Variants in BCAS3 observed in about 807,000 individuals in gnomAD.
BCAS3 encodes BCAS3 microtubule associated cell migration factor.
Under a neutral mutation model 116.1 loss-of-function variants are expected in BCAS3, and 53 were observed. That is an observed-to-expected ratio of 0.46 (90% CI 0.37 to 0.57). BCAS3 has a LOEUF of 0.57. BCAS3 is among the 20% of genes least tolerant of loss of function. The pLI, the probability that BCAS3 is intolerant of heterozygous loss-of-function variation, is 0.00. For synonymous variants in BCAS3, 391 were observed against 408.2 expected (o/e 0.96, Z 0.51); for missense variants, 917 against 1,165.4 (o/e 0.79, Z 3.10).
rs911952791 is a variant in BCAS3, at chr17:61,344,724, G to C, written c.2426-23603G>C. The stretch of plus-strand genomic sequence containing the variant: ...TGTAAAGGCCCTGGGGTGAAAGGAA[G>C]GAGGTTGTTGGAGGGACTGAGGGAG... On this transcript the variant is annotated intron_variant, in intron 22 of 23. Transcript: ENST00000407086. This position sits in a 1 kb window ranked among gnomAD's most constrained non-coding sequence, Gnocchi z 4.1. Among the ~76,000 whole-genome samples, 2 of 152,122 alleles carry C rather than the reference G, an allele frequency of 1.3e-5. No homozygotes were observed. The highest frequency in any genetic ancestry group is 2.9e-5 in the Non-Finnish European group (2 of 68,026).
In BCAS3 at chr17:61,186,500, A is replaced by G. The variant is rs1008574161; in HGVS notation, c.2425+101936A>G. On this transcript the variant is annotated intron_variant, in intron 22 of 23. Coordinates refer to ENST00000407086, the MANE Select transcript of BCAS3 (RefSeq NM_017679.5). This position sits in a 1 kb window ranked among gnomAD's most constrained non-coding sequence, Gnocchi z 4.9. Reference sequence around the variant, plus strand: ...TCAGAGCCTGCTTCCACTTTTTCATACTTGAATATGTTTTTTCCTGCTTTC... The same window carrying G: ...TCAGAGCCTGCTTCCACTTTTTCATGCTTGAATATGTTTTTTCCTGCTTTC... Among the ~76,000 whole-genome samples the G allele has an allele frequency of 6.6e-6, 1 of 152,128 alleles. No homozygotes were observed. Among genetic ancestry groups the G allele is most frequent in the African/African-American group, 2.4e-5 (1 of 41,438 alleles).
intron 15 of BCAS3, among the ~76,000 whole-genome samples, chr17:61,014,492 A>G (rs1260362509): frequency 6.6e-6 from 1 of 152,144 alleles, no homozygotes; most frequent in Non-Finnish European, 1.5e-5. Context: ...TTTTTAGCAA[A>G]TGGTGATGGA....
At chr17:60,683,215 A>AACCAATTTAAGG (rs2033445142) in intron 2 of BCAS3, among the ~76,000 whole-genome samples, 1 of 152,158 alleles carries the variant, frequency 6.6e-6, no homozygotes, top group South Asian at 2.1e-4. Context: ...CTAGGTTCAT[A>AACCAATTTAAGG]ACCAATTTAA....
chr17:60,851,554 G>T (rs2053166975), intron 7 of BCAS3: 3 of 617,712 alleles, frequency 4.9e-6, no homozygotes, highest in Middle Eastern at 3.5e-4. Context: ...TCTTCACGGG[G>T]TGAATAATTT....
chr17:61,165,417 G>T (rs776099570), intron 22 of BCAS3, among the ~76,000 whole-genome samples: 14 of 152,112 alleles, frequency 9.2e-5, no homozygotes, highest in Non-Finnish European at 2.1e-4. Context: ...AAAGTTTTAG[G>T]CTGGGCGCAG....
intron 4 of BCAS3, among the ~76,000 whole-genome samples, chr17:60,705,010 A>G (rs1287702188): frequency 3.3e-5 from 5 of 152,110 alleles, no homozygotes. Flanking sequence ...GGCTCACCAC[A>G]CATGATACTC....
chr17:61,067,462 T>C (rs2070799028), intron 19 of BCAS3, among the ~76,000 whole-genome samples: 2 of 150,634 alleles, frequency 1.3e-5, no homozygotes, highest in South Asian at 4.2e-4. Context: ...CTCACACCTG[T>C]AATCTCAGCA....
At chr17:60,734,529 C>T (rs1453201852) in intron 5 of BCAS3, among the ~76,000 whole-genome samples, 3 of 152,226 alleles carry the variant, frequency 2.0e-5, no homozygotes, top group African/African-American at 7.2e-5. Flanking sequence ...TCTGTGTCTA[C>T]ATTCATTTTA....
chr17:60,738,607 T>C (rs1275008425), intron 5 of BCAS3, among the ~76,000 whole-genome samples: 4 of 152,362 alleles, frequency 2.6e-5, no homozygotes, highest in South Asian at 2.1e-4. Context: ...AGTGGATTTC[T>C]TCTATACAAC....
chr17:60,800,944 C>T (rs76700672), intron 6 of BCAS3, among the ~76,000 whole-genome samples: 1 of 152,100 alleles, frequency 6.6e-6, no homozygotes, highest in African/African-American at 2.4e-5. Context: ...TCTGCTAGTA[C>T]CACTAACTCT....
At chr17:61,150,741 G>A (rs114747935) in intron 22 of BCAS3, among the ~76,000 whole-genome samples, 1,754 of 152,302 alleles carry the variant, frequency 0.012, 31 homozygotes, top group African/African-American at 0.039. Context: ...AGGCCAAGTT[G>A]TAAATGTCTT....
chr17:60,922,319 G>A (rs940243276), intron 12 of BCAS3, among the ~76,000 whole-genome samples: 1 of 152,156 alleles, frequency 6.6e-6, no homozygotes, highest in Admixed American at 6.5e-5. Flanking sequence ...TAGAGACAGG[G>A]TTTCACTATA....
intron 4 of BCAS3, among the ~76,000 whole-genome samples, chr17:60,692,865 A>T (rs1218608248): frequency 6.6e-6 from 1 of 151,878 alleles, no homozygotes; most frequent in African/African-American, 2.4e-5. Flanking sequence ...ACTGCACTCC[A>T]GCCTGGGCGA....
In BCAS3 at chr17:61,200,050, G is replaced by C. The variant is rs2080731778; in HGVS notation, c.2425+115486G>C. ...CCTTTCTTCCAGAATAATCCAAAAA[G>C]ATGATTTTAAATAGAAACATGCTTG... On this transcript the variant is annotated intron_variant, in intron 22 of 23. Coordinates refer to ENST00000407086, the MANE Select transcript of BCAS3 (RefSeq NM_017679.5). This position sits in a 1 kb window ranked among gnomAD's most constrained non-coding sequence, Gnocchi z 5.1. Among the ~76,000 whole-genome samples the C allele has an allele frequency of 6.6e-6, 1 of 152,184 alleles. No individual in the cohort carries two copies.
intron 7 of BCAS3, among the ~76,000 whole-genome samples, chr17:60,868,112 C>G (rs1005562455): frequency 6.6e-6 from 1 of 151,708 alleles, no homozygotes; most frequent in Non-Finnish European, 1.5e-5. Flanking sequence ...CACCCTCCGC[C>G]TCCTAGGTTC....
At chr17:60,866,814 CAG>C (rs1441059243) in intron 7 of BCAS3, among the ~76,000 whole-genome samples, 1 of 151,926 alleles carries the variant, frequency 6.6e-6, no homozygotes, top group South Asian at 2.1e-4. Flanking sequence ...ACACTTTGAC[CAG>C]AGTTATTGAT....
In BCAS3 at chr17:60,976,453, G is replaced by A. The variant is rs900929767; in HGVS notation, c.1222-13518G>A. 4.0e-5 allele frequency among the ~76,000 whole-genome samples: 6 copies of A among 148,668 alleles called. No individual in the cohort carries two copies. In the South Asian group the frequency reaches 1.3e-3, roughly 31 times the overall value. On this transcript the variant is annotated intron_variant, in intron 14 of 23. Coordinates refer to ENST00000407086, the MANE Select transcript of BCAS3 (RefSeq NM_017679.5). ...TATATATATATATATTTTTTTTTTA[G>A]TATTTATTGATCATTCTTGGGTGTT... is the stretch of plus-strand genomic sequence containing the variant.
At chr17:60,881,175 T>C (rs8076044) in intron 9 of BCAS3, among the ~76,000 whole-genome samples, 47,178 of 151,932 alleles carry the variant, frequency 0.31, 12,391 homozygotes, top group African/African-American at 0.72. Flanking sequence ...GGGATTTCAC[T>C]GTGTTAGCCA....
intron 23 of BCAS3, among the ~76,000 whole-genome samples, chr17:61,386,365 T>C (rs965154432): frequency 3.3e-5 from 5 of 152,224 alleles, no homozygotes; most frequent in Non-Finnish European, 7.3e-5. Flanking sequence ...TGCTCACTGC[T>C]GGAAGCAGGC....
Sources: gnomAD v4.1 joint callset for allele counts (sites outside exome capture counted in the v4.1 genomes callset) on GRCh38, gnomAD v4.1.1 for gene constraint, Gnocchi (gnomAD v3.1) non-coding constraint, MANE v1.5 for transcripts, NCBI Gene and HGNC (gene_info 2026-07-23, HGNC 2026-07-21) for gene names.